EVC: variants seen among roughly 807,000 people sequenced by gnomAD.
EVC encodes EvC ciliary complex subunit 1, also known as evC complex member EVC.
A neutral mutation model predicts 118.9 loss-of-function variants in EVC; 116 were observed. The ratio of observed to expected loss-of-function variants is 0.98; its 90% CI spans 0.84 to 1.14. The LOEUF is 1.14. Ranked by LOEUF, EVC falls within the 50% of genes most tolerant of loss-of-function variation. The pLI is 0.00. For missense variants in EVC, 1,401 were observed against 1,246.4 expected, an observed-to-expected ratio of 1.12 and a Z score of -1.87; for synonymous variants, 619 against 534.7, an observed-to-expected ratio of 1.16 and a Z score of -2.18.
At chr4:5,793,584 T>C in intron 12 of EVC, 24 bp from the exon 13 acceptor site, 1 of 1,540,734 alleles carries the variant, frequency 6.5e-7, no homozygotes, top group Non-Finnish European at 8.8e-7. Context: ...ACATGCCTGC[T>C]CTGTCCCTCT....
Position 5,746,738 on chromosome 4 carries a change from A to G in EVC, c.939+1397A>G, listed in dbSNP as rs998256136. On this transcript the variant is annotated intron_variant, in intron 7 of 20. Transcript: ENST00000264956. The surrounding 1 kb of genome is among the most constrained non-coding windows in gnomAD (Gnocchi z 5.8). ...TCCAAAGTATTGGTGACCTCCAAAAATGGTGACCTCTGGCCTAGAAATGGT... is the reference window on the plus strand; with the variant it reads ...TCCAAAGTATTGGTGACCTCCAAAAGTGGTGACCTCTGGCCTAGAAATGGT... Among the ~76,000 whole-genome samples the G allele has an allele frequency of 7.2e-5, 11 of 152,168 alleles. No individual in the cohort carries two copies. The highest frequency in any genetic ancestry group is 2.4e-4 in the African/African-American group (10 of 41,454).
intron 2 of EVC, among the ~76,000 whole-genome samples, chr4:5,724,881 G>A (rs1725563883): frequency 1.3e-5 from 2 of 151,592 alleles, no homozygotes; most frequent in South Asian, 2.1e-4. Context: ...CCCTCCCCTC[G>A]CCCCCGACAG....
rs1712266180 is a variant in EVC at position 5,789,077 on chromosome 4, A to G, written c.1777-4531A>G. On this transcript the variant is annotated intron_variant, in intron 12 of 20. Coordinates refer to ENST00000264956, the MANE Select transcript of EVC (RefSeq NM_153717.3). The surrounding 1 kb of genome is among the most constrained non-coding windows in gnomAD (Gnocchi z 4.3). ...TTTAACATCCCTGAAATCAAGATAC[A>G]CTTTAATTGGCAGTGACTTTTCTCT... Among the ~76,000 whole-genome samples the G allele has an allele frequency of 1.3e-5, 2 of 152,150 alleles. No homozygotes were observed. The highest frequency in any genetic ancestry group is 4.8e-5 in the African/African-American group (2 of 41,416).
chr4:5,818,059 G>C (rs1329223276), downstream of EVC, among the ~76,000 whole-genome samples: 1 of 152,168 alleles, frequency 6.6e-6, no homozygotes, highest in Admixed American at 6.5e-5. Flanking sequence ...CGTGATGTGG[G>C]AGGGACCTGG....
intron 16 of EVC, among the ~76,000 whole-genome samples, chr4:5,802,833 CTG>C (rs1205409733): frequency 2.6e-5 from 4 of 152,186 alleles, no homozygotes; most frequent in African/African-American, 7.2e-5. Context: ...TCACGTCTTG[CTG>C]TGTGGCTGGG....
chr4:5,713,448 C>T (rs1442280564), intron 1 of EVC, among the ~76,000 whole-genome samples: 2 of 152,112 alleles, frequency 1.3e-5, no homozygotes, highest in Non-Finnish European at 2.9e-5. Flanking sequence ...GAGGCCAAGG[C>T]GAGCTGTTCA....
At chr4:5,764,202 A>G (rs1307298684) in intron 11 of EVC, among the ~76,000 whole-genome samples, 4 of 142,256 alleles carry the variant, frequency 2.8e-5, no homozygotes, top group African/African-American at 1.1e-4. Flanking sequence ...GCTGGATTAC[A>G]TTTATTGATT....
At position 5,745,224 on chromosome 4, in the gene EVC, G is replaced by A; in HGVS notation, c.822G>A (p.Lys274=). The A allele has an allele frequency of 6.2e-7, 1 of 1,613,758 alleles. No homozygotes were observed. The highest frequency in any genetic ancestry group is 8.5e-7 in the Non-Finnish European group (1 of 1,179,854). Residue 274 remains lysine (K), a synonymous_variant, in exon 7 of 21, where the codon AAG becomes AAA. Transcript: ENST00000264956. ...KQEKDLEELE[K]GLQVKLSNTE... ...TTCAGGATTTGGAGGAACTAGAAAAGGGACTTCAGGTCAAACTGTCAAACA... is the reference window on the plus strand; with the variant it reads ...TTCAGGATTTGGAGGAACTAGAAAAAGGACTTCAGGTCAAACTGTCAAACA...
the EVC span, chr4:5,821,574 A>C: frequency 1.7e-6 from 1 of 605,694 alleles, no homozygotes; most frequent in Non-Finnish European, 2.9e-6. The surrounding 1 kb of genome is among the most constrained non-coding windows in gnomAD (Gnocchi z 4.4). Context: ...TGGGGCAAGG[A>C]ATTTCCAAGC....
Position 5,711,290 on chromosome 4 carries a change from C to T in EVC, c.-91C>T. On this transcript the variant is annotated 5_prime_UTR_variant, in exon 1 of 21. Transcript: ENST00000264956. ...CTGCGGAGCGGGCCGCGCCCCTGGC[C>T]CGCCCGGGCTCCAAGTCCCGCGTCG... 2 of 900,696 alleles carry T rather than the reference C, an allele frequency of 2.2e-6. No individual in the cohort carries two copies. The highest frequency in any genetic ancestry group is 2.7e-6 in the Non-Finnish European group (2 of 750,404). The allele number at this position is 900,696 out of a possible 1,614,324, so 55.8% of individuals were successfully genotyped here. A position where few individuals can be genotyped will look rare whatever the true frequency, so the allele number is the denominator to read the frequency against.
chr4:5,726,133 G>T (rs991487188), intron 2 of EVC, among the ~76,000 whole-genome samples: 1 of 152,204 alleles, frequency 6.6e-6, no homozygotes, highest in African/African-American at 2.4e-5. Context: ...CCACAATAGG[G>T]TGTCTTATTC....
At chr4:5,781,283 A>G (rs1209123136) in intron 11 of EVC, among the ~76,000 whole-genome samples, 1 of 151,980 alleles carries the variant, frequency 6.6e-6, no homozygotes, top group Non-Finnish European at 1.5e-5. Context: ...GTTGGGGAGG[A>G]TATGAGATGT....
chr4:5,736,061 G>A (rs1215672934), intron 5 of EVC, among the ~76,000 whole-genome samples: 2 of 152,162 alleles, frequency 1.3e-5, no homozygotes, highest in African/African-American at 4.8e-5. Context: ...GGCTGGCCCT[G>A]AGGAGGAAGA....
intron 2 of EVC, among the ~76,000 whole-genome samples, chr4:5,723,171 A>T (rs35289286): frequency 2.6e-5 from 4 of 151,190 alleles, no homozygotes; most frequent in South Asian, 4.2e-4. Flanking sequence ...GGGTGGACCC[A>T]GCACCAACAT....
In EVC at chr4:5,801,942, T is replaced by C. The variant is rs1031919; in HGVS notation, c.2305-8T>C. 1,178,037 of 1,612,074 alleles carry C rather than the reference T, an allele frequency of 0.73. 432,017 individuals are homozygous for C. Among genetic ancestry groups the C allele is most frequent in the South Asian group, 0.82 (74,452 of 90,956 alleles). Reference sequence around the variant, plus strand: ...TCTGCTGTCCCTGTCCTTCCTTTCTTCCCTCAGAGGACACTGATGGAGGCG... The same window carrying C: ...TCTGCTGTCCCTGTCCTTCCTTTCTCCCCTCAGAGGACACTGATGGAGGCG... On this transcript the variant is annotated splice_polypyrimidine_tract_variant and splice_region_variant and intron_variant, in intron 15 of 20. Transcript: ENST00000264956.
At chr4:5,828,617 C>G in the EVC span, 1 of 1,614,234 alleles carries the variant, frequency 6.2e-7, no homozygotes. Flanking sequence ...CTGATGACCA[C>G]TAGTGGGGAG....
rs749035120 is a variant in EVC, at chr4:5,800,494, T to TGAG, written c.2305-1446_2305-1444dup. On this transcript the variant is annotated intron_variant, in intron 15 of 20. Coordinates refer to ENST00000264956, the MANE Select transcript of EVC (RefSeq NM_153717.3). ...ACGGGGAGACTGGCCAGAAAAAAAC[T>TGAG]GAGGAGGAGGAGAGAAGGGGTGGCC... Among the ~76,000 whole-genome samples, 31 of 151,660 alleles carry TGAG rather than the reference T, an allele frequency of 2.0e-4. No individual in the cohort carries two copies. In the South Asian group the frequency reaches 4.2e-3, roughly 20 times the overall value.
At position 5,803,994 on chromosome 4, in the gene EVC, G is replaced by A. The variant is rs181026974; in HGVS notation, c.2450-736G>A. Among the ~76,000 whole-genome samples, 186 of 150,880 alleles carry A rather than the reference G, an allele frequency of 1.2e-3. 1 individual carries two copies. Among genetic ancestry groups the A allele is most frequent in the Non-Finnish European group, 1.9e-3 (129 of 67,840 alleles). ...CTCACTCAATCGCCCAGACTGGAGT[G>A]CAGTGGCATGATTTCGGCTCACTGC... On this transcript the variant is annotated intron_variant, in intron 16 of 20. Coordinates refer to ENST00000264956, the MANE Select transcript of EVC (RefSeq NM_153717.3).
downstream of EVC, among the ~76,000 whole-genome samples, chr4:5,815,790 T>TC (rs1357534189): frequency 1.3e-5 from 2 of 151,766 alleles, no homozygotes; most frequent in Non-Finnish European, 2.9e-5. Context: ...GCACCTGACG[T>TC]CCCCCCTGGA....
Sources: gnomAD v4.1 joint callset for allele counts (sites outside exome capture counted in the v4.1 genomes callset) on GRCh38, gnomAD v4.1.1 for gene constraint, Gnocchi (gnomAD v3.1) non-coding constraint, MANE v1.5 for transcripts, NCBI Gene and HGNC (gene_info 2026-07-23, HGNC 2026-07-21) for gene names.